The following GAS6 variants were observed in gnomAD, a reference collection of about 807,000 sequenced individuals.
The protein encoded by GAS6 is growth arrest-specific protein 6.
GAS6 carries 41 observed loss-of-function variants against 75.8 expected under a neutral mutation model. That is an observed-to-expected ratio of 0.54 (90% CI 0.42 to 0.70). GAS6 has a LOEUF of 0.70. Ranked by LOEUF, GAS6 falls within the 30% of genes least tolerant of loss-of-function variation. The pLI, the probability that GAS6 is intolerant of heterozygous loss-of-function variation, is 0.00. For synonymous variants in GAS6, 432 were observed against 412.6 expected (o/e 1.05, Z -0.57); for missense variants, 854 against 940.2 (o/e 0.91, Z 1.20).
At chr13:113,833,611 G>T (rs1233203220) in intron 8 of GAS6, 1 of 1,009,260 alleles carries the variant, frequency 9.9e-7, no homozygotes, top group Admixed American at 6.4e-5. Flanking sequence ...GACAGGCACC[G>T]GTGTGACAGG....
At chr13:113,829,284 G>C (rs1170954891) in intron 10 of GAS6, among the ~76,000 whole-genome samples, 2 of 146,444 alleles carry the variant, frequency 1.4e-5, no homozygotes, top group East Asian at 4.1e-4. Context: ...CAATCTCAGG[G>C]AGGCCACCTG....
At chr13:113,831,403 C>T (rs560709662) in intron 10 of GAS6, among the ~76,000 whole-genome samples, 71 of 152,304 alleles carry the variant, frequency 4.7e-4, no homozygotes, top group Admixed American at 1.5e-3. Context: ...GGCCTGGCCA[C>T]GGCCCGGGAG....
chr13:113,862,894 G>A (rs887097776), intron 2 of GAS6, among the ~76,000 whole-genome samples: 3 of 152,180 alleles, frequency 2.0e-5, no homozygotes, highest in Non-Finnish European at 4.4e-5. Context: ...ACCCGCTCCC[G>A]AGCCCGCAGG....
intron 3 of GAS6, among the ~76,000 whole-genome samples, chr13:113,847,450 G>A (rs768459106): frequency 7.3e-5 from 11 of 151,602 alleles, no homozygotes; most frequent in Middle Eastern, 3.4e-3. Context: ...TCAGTTAAAC[G>A]GGCTGACCCG....
chr13:113,832,641 G>C lies in GAS6; in HGVS notation c.946C>G (p.Pro316Ala), dbSNP rs776076149. The C allele has an allele frequency of 2.2e-5, 35 of 1,612,744 alleles. No homozygotes were observed. In the East Asian group the frequency reaches 4.2e-4, roughly 20 times the overall value. ...CTGTGGACACCTCCTCACCTGGTGG[G>C]CTGCAGCCTCTTGAAGCGCAGTCGG... is the stretch of plus-strand genomic sequence containing the variant. ...VIRLRFKRLQ[P>A]TRLVAEFDFR... The change falls in exon 9 of 15, where the codon CCC (proline) becomes GCC (alanine). Residue 316 changes from proline to alanine, a missense_variant. Transcript: ENST00000327773.
intron 12 of GAS6, among the ~76,000 whole-genome samples, chr13:113,825,879 C>T (rs144520999): frequency 9.1e-4 from 138 of 152,300 alleles, no homozygotes; most frequent in Admixed American, 1.7e-3. Context: ...CTTTGCTCCG[C>T]GTGGATCCCC....
chr13:113,849,510 G>C (rs1024550245), intron 2 of GAS6, among the ~76,000 whole-genome samples: 2 of 152,278 alleles, frequency 1.3e-5, no homozygotes, highest in Non-Finnish European at 2.9e-5. Context: ...TAAAAGACTT[G>C]CGAGGGATGC....
rs2051847204 is a variant in GAS6 at position 113,848,024 on chromosome 13, A to AC, written c.280+1dup. On this transcript the variant is annotated splice_donor_variant, in intron 3 of 14. Coordinates refer to ENST00000327773, the MANE Select transcript of GAS6 (RefSeq NM_000820.4). LOFTEE classifies it high-confidence loss of function. This position sits in a 1 kb window ranked among gnomAD's most constrained non-coding sequence, Gnocchi z 4.8. ...CAGAGTAGAGAAGTAATTGAGACTT[A>AC]CCTAAGTATCTTGGGTAAAAATAAT... 6.2e-7 allele frequency: 1 copy of AC among 1,612,702 alleles called. No homozygotes were observed. Among genetic ancestry groups the AC allele is most frequent in the African/African-American group, 1.3e-5 (1 of 74,792 alleles).
rs565446980 is a variant in GAS6 at position 113,834,121 on chromosome 13, G to A, written c.834+430C>T. ...AGGTCATGCTGTGATAGGCCCCGGT[G>A]TGACAGGTCGGTGTGACAGGCACCA... On this transcript the variant is annotated intron_variant, in intron 8 of 14. Transcript: ENST00000327773. Among the ~76,000 whole-genome samples, 31 of 149,140 alleles carry A rather than the reference G, an allele frequency of 2.1e-4. 1 individual carries two copies. Among genetic ancestry groups the A allele is most frequent in the African/African-American group, 7.6e-4 (31 of 40,592 alleles).
Position 113,820,815 on chromosome 13 carries a change from C to G in GAS6, c.*49G>C. 6.3e-7 allele frequency: 1 copy of G among 1,581,276 alleles called. No individual in the cohort carries two copies. The highest frequency in any genetic ancestry group is 8.6e-7 in the Non-Finnish European group (1 of 1,166,166). On this transcript the variant is annotated 3_prime_UTR_variant, in exon 15 of 15. Coordinates refer to ENST00000327773, the MANE Select transcript of GAS6 (RefSeq NM_000820.4). ...GTGGTGAGGAGCCCCCAGGCTCCTC[C>G]CGGCTGTCTCGGACAGAGACTGAGA...
Position 113,838,166 on chromosome 13 carries a change from G to T in GAS6, c.492C>A (p.Asn164Lys), listed in dbSNP as rs754177737. Residue 164 changes from asparagine to lysine, a missense_variant, in exon 6 of 15, where the codon AAC (asparagine) becomes AAA (lysine). Transcript: ENST00000327773. ...TGTGGCAGATCTGGAGGCAGCCCCC[G>T]TTCTCCTGGCTGCATTCGTTGACAT... is the stretch of plus-strand genomic sequence containing the variant. ...DKDVNECSQE[N>K]GGCLQICHNK... 14 of 1,612,732 alleles carry T rather than the reference G, an allele frequency of 8.7e-6. No homozygotes were observed. Among genetic ancestry groups the T allele is most frequent in the Admixed American group, 1.7e-5 (1 of 59,996 alleles).
At chr13:113,858,792 T>G (rs1212521563) in intron 2 of GAS6, among the ~76,000 whole-genome samples, 1 of 151,910 alleles carries the variant, frequency 6.6e-6, no homozygotes, top group Non-Finnish European at 1.5e-5. Context: ...TACATGTCTG[T>G]GACTGTATGT....
At chr13:113,834,846 C>T (rs1437787216) in intron 7 of GAS6, 174 bp from the exon 8 acceptor site, 1 of 564,328 alleles carries the variant, frequency 1.8e-6, no homozygotes, top group South Asian at 6.1e-5. Context: ...CTAGGTTGCA[C>T]CCTCGGCCTG....
intron 2 of GAS6, among the ~76,000 whole-genome samples, chr13:113,854,576 C>T (rs1473623059): frequency 6.6e-6 from 1 of 152,262 alleles, no homozygotes; most frequent in Non-Finnish European, 1.5e-5. Flanking sequence ...CAACATTCAG[C>T]ATGTGAGCGT....
At chr13:113,821,886 T>A in intron 14 of GAS6, 72 bp downstream of exon 14, 1 of 1,212,004 alleles carries the variant, frequency 8.3e-7, no homozygotes, top group Non-Finnish European at 1.1e-6. Context: ...CTGTCCAGGT[T>A]AGATCTGGGG....
intron 4 of GAS6, chr13:113,842,526 A>G (rs1281767419): frequency 1.3e-5 from 5 of 396,476 alleles, no homozygotes; most frequent in Non-Finnish European, 1.3e-5. Context: ...GGGCGTCTGG[A>G]GACGTCGATG....
intron 13 of GAS6, 175 bp downstream of exon 13, chr13:113,823,200 C>T (rs2051483409): frequency 1.5e-6 from 1 of 648,198 alleles, no homozygotes; most frequent in South Asian, 2.3e-5. Flanking sequence ...GTCCAAACAA[C>T]CCCCGCAGCC....
chr13:113,853,866 TG>T (rs2051894312), intron 2 of GAS6, among the ~76,000 whole-genome samples: 1 of 152,226 alleles, frequency 6.6e-6, no homozygotes, highest in African/African-American at 2.4e-5. Context: ...TCTTCTAGCT[TG>T]GGAAGTGCAA....
chr13:113,822,351 C>A (rs950572247), intron 13 of GAS6, 165 bp from the exon 14 acceptor site: 1 of 520,334 alleles, frequency 1.9e-6, no homozygotes, highest in Non-Finnish European at 3.3e-6. Flanking sequence ...GTGGATGACA[C>A]CCCCACCCCA....
Sources: allele counts gnomAD v4.1 joint callset (sites outside exome capture counted in the v4.1 genomes callset), GRCh38; gene constraint gnomAD v4.1.1; non-coding constraint Gnocchi (gnomAD v3.1); transcripts MANE v1.5; gene names NCBI Gene and HGNC (gene_info 2026-07-23, HGNC 2026-07-21).